Variants in ZNF385D observed in about 807,000 individuals in gnomAD.
ZNF385D encodes zinc finger protein 385D, also known as zinc finger protein 659.
In ZNF385D, 15 loss-of-function variants were observed where a neutral mutation model predicts 35.8. The observed-to-expected ratio is 0.42, with a 90% CI of 0.28 to 0.64. The LOEUF (loss-of-function observed/expected upper bound fraction) is 0.64, where lower values mean the gene tolerates loss of function less well. ZNF385D is among the 30% of genes least tolerant of loss of function. The probability of loss-of-function intolerance (pLI) is 0.23; values close to 1 mark genes in which losing one functional copy is unlikely to be tolerated. For synonymous variants in ZNF385D, 212 were observed against 186.8 expected, an observed-to-expected ratio of 1.13 and a Z score of -1.10; for missense variants, 474 against 494.6, an observed-to-expected ratio of 0.96 and a Z score of 0.39.
chr3:21,518,141 C>T (rs9829496), intron 3 of ZNF385D, among the ~76,000 whole-genome samples: 96,733 of 151,932 alleles, frequency 0.64, 30,871 homozygotes, highest in African/African-American at 0.71. Context: ...GTCCAGGCTT[C>T]TTAAGATGAA....
At chr3:21,471,373 A>T (rs561099278) in intron 4 of ZNF385D, among the ~76,000 whole-genome samples, 42 of 151,180 alleles carry the variant, frequency 2.8e-4, no homozygotes, top group Non-Finnish European at 5.3e-4. Flanking sequence ...ACTTGGTAGG[A>T]TCTATCCATA....
chr3:22,354,628 G>GA (rs1559537631), intron 2 of ZNF385D, among the ~76,000 whole-genome samples: 1 of 151,804 alleles, frequency 6.6e-6, no homozygotes, highest in East Asian at 1.9e-4. Context: ...GGTTTTAATG[G>GA]TATAACAATA....
At chr3:22,341,862 G>A (rs1358157722) in intron 2 of ZNF385D, among the ~76,000 whole-genome samples, 3 of 152,084 alleles carry the variant, frequency 2.0e-5, no homozygotes, top group Admixed American at 1.3e-4. Context: ...TTATATTAAT[G>A]CCAGGCACAT....
chr3:22,188,454 A>ATT (rs67521159), intron 2 of ZNF385D, among the ~76,000 whole-genome samples: 3 of 147,728 alleles, frequency 2.0e-5, no homozygotes, highest in South Asian at 4.3e-4. Context: ...TGTGTATACT[A>ATT]TTTTTTTTTT....
At chr3:22,190,680 C>G (rs893963166) in intron 2 of ZNF385D, among the ~76,000 whole-genome samples, 1 of 152,170 alleles carries the variant, frequency 6.6e-6, no homozygotes, top group Non-Finnish European at 1.5e-5. Context: ...AAACTGTCCC[C>G]TATGAATAAC....
intron 2 of ZNF385D, among the ~76,000 whole-genome samples, chr3:22,304,174 GA>G (rs1703077628): frequency 6.6e-6 from 1 of 152,148 alleles, no homozygotes; most frequent in African/African-American, 2.4e-5. Context: ...TTTTAATAAA[GA>G]GCAAGTTTCT....
At chr3:22,076,096 T>G (rs1223749927) in intron 3 of ZNF385D, among the ~76,000 whole-genome samples, 1 of 151,968 alleles carries the variant, frequency 6.6e-6, no homozygotes, top group Non-Finnish European at 1.5e-5. Flanking sequence ...ACTATCACCT[T>G]TTAGTTTCAC....
intron 3 of ZNF385D, among the ~76,000 whole-genome samples, chr3:21,911,859 T>C (rs566102720): frequency 6.6e-6 from 1 of 152,044 alleles, no homozygotes; most frequent in East Asian, 1.9e-4. Context: ...TTACAAAATA[T>C]AGTATAATCA....
intron 3 of ZNF385D, among the ~76,000 whole-genome samples, chr3:21,513,939 C>G (rs1335293775): frequency 6.6e-6 from 1 of 152,174 alleles, no homozygotes; most frequent in African/African-American, 2.4e-5. Context: ...TCCCTTTGGG[C>G]CACTTGATAG....
intron 2 of ZNF385D, among the ~76,000 whole-genome samples, chr3:21,607,548 A>G (rs1156360417): frequency 6.6e-6 from 1 of 152,194 alleles, no homozygotes; most frequent in Non-Finnish European, 1.5e-5. Context: ...GTCCTCTGCC[A>G]ATCATTTCTT....
chr3:22,195,899 A>G (rs1252507040), intron 2 of ZNF385D, among the ~76,000 whole-genome samples: 4 of 152,070 alleles, frequency 2.6e-5, no homozygotes, highest in Non-Finnish European at 5.9e-5. Flanking sequence ...GGAGAGTATC[A>G]TCCTTAGCAA....
chr3:21,663,875 T>G (rs1429720721), intron 2 of ZNF385D, among the ~76,000 whole-genome samples: 1 of 64,712 alleles, frequency 1.5e-5, no homozygotes, highest in Non-Finnish European at 3.5e-5. Flanking sequence ...TGAAGAATTA[T>G]TTAATTGTGG....
chr3:22,321,252 T>C (rs1694414648), intron 2 of ZNF385D, among the ~76,000 whole-genome samples: 1 of 151,696 alleles, frequency 6.6e-6, no homozygotes, highest in South Asian at 2.1e-4. Context: ...GTTATCATTT[T>C]AAGTGTATTC....
intron 3 of ZNF385D, among the ~76,000 whole-genome samples, chr3:22,098,822 G>C (rs530924985): frequency 2.6e-5 from 4 of 152,012 alleles, no homozygotes; most frequent in Non-Finnish European, 5.9e-5. Flanking sequence ...ATCACATACA[G>C]TGATACTGAT....
At position 21,842,474 on chromosome 3, in the gene ZNF385D, T is replaced by C. The variant is rs146615011; in HGVS notation, c.326-177446A>G. 5.6e-3 allele frequency among the ~76,000 whole-genome samples: 853 copies of C among 152,090 alleles called. 5 individuals carry two copies. The highest frequency in any genetic ancestry group is 8.0e-3 in the Non-Finnish European group (546 of 67,954). ...GACTCATATGTGAAAGGCCAGTGAT[T>C]GGTAATCATGAAAGATGACTTCAAG... On this transcript the variant is annotated intron_variant, in intron 3 of 5. Transcript: ENST00000494108.
chr3:21,747,152 T>G (rs897658760), intron 1 of ZNF385D, among the ~76,000 whole-genome samples: 13 of 152,162 alleles, frequency 8.5e-5, no homozygotes, highest in African/African-American at 2.9e-4. Context: ...TCCTTAGGCA[T>G]TTTAATGAAG....
At chr3:21,926,819 G>C (rs1421451459) in intron 3 of ZNF385D, among the ~76,000 whole-genome samples, 2 of 152,104 alleles carry the variant, frequency 1.3e-5, no homozygotes, top group African/African-American at 4.8e-5. Context: ...TTAAACTAAA[G>C]AACTTCTGCA....
chr3:21,670,666 C>A (rs2066546325), intron 1 of ZNF385D, among the ~76,000 whole-genome samples: 1 of 19,490 alleles, frequency 5.1e-5, no homozygotes, highest in Non-Finnish European at 1.6e-4. Context: ...CCCCCCCCCC[C>A]CCCCCCCAAT....
At chr3:22,276,695 C>T (rs1701446974) in intron 2 of ZNF385D, among the ~76,000 whole-genome samples, 1 of 152,092 alleles carries the variant, frequency 6.6e-6, no homozygotes, top group African/African-American at 2.4e-5. Context: ...ATACAAGTGT[C>T]CACAGAGTAT....
Sources: allele counts gnomAD v4.1 joint callset (sites outside exome capture counted in the v4.1 genomes callset), GRCh38; gene constraint gnomAD v4.1.1; transcripts MANE v1.5; gene names NCBI Gene and HGNC (gene_info 2026-07-23, HGNC 2026-07-21).